The following EXOC4 variants were observed in gnomAD, a reference collection of about 807,000 sequenced individuals.
The protein encoded by EXOC4 is SEC8-like 1.
A neutral mutation model predicts 107.2 loss-of-function variants in EXOC4; 71 were observed. The ratio of observed to expected loss-of-function variants is 0.66; its 90% CI spans 0.55 to 0.81. The LOEUF is 0.81. EXOC4 is among the 30% of genes least tolerant of loss of function. EXOC4 has a pLI of 0.00. For synonymous variants in EXOC4, 456 were observed against 441.2 expected (o/e 1.03, Z -0.42); for missense variants, 1,108 against 1,189.6 (o/e 0.93, Z 1.01).
chr7:133,640,536 T>C (rs10238955), intron 10 of EXOC4, among the ~76,000 whole-genome samples: 150,369 of 152,272 alleles, frequency 0.99, 74,278 homozygotes, highest in Middle Eastern at 1. Flanking sequence ...TTTTGATTTC[T>C]TATCTTGTGG....
chr7:133,587,684 A>G (rs1374408839), intron 9 of EXOC4, among the ~76,000 whole-genome samples: 1 of 152,156 alleles, frequency 6.6e-6, no homozygotes, highest in African/African-American at 2.4e-5. Flanking sequence ...TGTCCTCCAG[A>G]TTTGTTTTAG....
intron 10 of EXOC4, among the ~76,000 whole-genome samples, chr7:133,731,595 C>T (rs1368592993): frequency 6.6e-6 from 1 of 152,054 alleles, no homozygotes; most frequent in African/African-American, 2.4e-5. Flanking sequence ...CTCACTAATA[C>T]AGTGGAGTAG....
At chr7:133,281,703 TA>T (rs1437105932) in intron 2 of EXOC4, among the ~76,000 whole-genome samples, 9 of 150,580 alleles carry the variant, frequency 6.0e-5, no homozygotes, top group African/African-American at 2.2e-4. Context: ...TTTTCTTTTC[TA>T]TTTTTTTTTT....
At chr7:133,257,152 G>A (rs1795036793) in intron 1 of EXOC4, among the ~76,000 whole-genome samples, 1 of 152,214 alleles carries the variant, frequency 6.6e-6, no homozygotes, top group Admixed American at 6.5e-5. Flanking sequence ...GACAGATAGT[G>A]GTTGGGATTC....
chr7:133,649,822 T>A (rs977271337), intron 10 of EXOC4, among the ~76,000 whole-genome samples: 7 of 152,122 alleles, frequency 4.6e-5, no homozygotes, highest in Admixed American at 2.0e-4. Flanking sequence ...TCATTCAGTA[T>A]TTTTGTTGAT....
chr7:133,387,957 G>A (rs1362804327), intron 7 of EXOC4, among the ~76,000 whole-genome samples: 1 of 151,834 alleles, frequency 6.6e-6, no homozygotes, highest in African/African-American at 2.4e-5. Flanking sequence ...AAAGACCTGG[G>A]GGAGATGGGC....
At chr7:133,406,669 A>C (rs1413367376) in intron 7 of EXOC4, among the ~76,000 whole-genome samples, 4 of 152,264 alleles carry the variant, frequency 2.6e-5, no homozygotes, top group African/African-American at 4.8e-5. Context: ...ACAGCACATA[A>C]ATAAAATACA....
At chr7:133,862,775 G>A (rs1239622970) in intron 11 of EXOC4, among the ~76,000 whole-genome samples, 1 of 152,158 alleles carries the variant, frequency 6.6e-6, no homozygotes, top group South Asian at 2.1e-4. Context: ...TAGTTATTAT[G>A]TAGGGAAAGC....
intron 9 of EXOC4, among the ~76,000 whole-genome samples, chr7:133,499,438 G>A (rs1016522578): frequency 6.6e-6 from 1 of 152,034 alleles, no homozygotes; most frequent in African/African-American, 2.4e-5. Flanking sequence ...TAATATTTGG[G>A]GATATTTAGG....
chr7:133,462,773 AAT>A (rs1364048774), intron 7 of EXOC4, among the ~76,000 whole-genome samples: 2 of 152,176 alleles, frequency 1.3e-5, no homozygotes, highest in Non-Finnish European at 2.9e-5. Context: ...AAATTAGATA[AAT>A]TTAGACATGA....
intron 17 of EXOC4, among the ~76,000 whole-genome samples, chr7:134,040,988 C>CTA (rs1237452392): frequency 1.3e-5 from 2 of 152,120 alleles, no homozygotes; most frequent in Non-Finnish European, 2.9e-5. Context: ...TACCTCTACC[C>CTA]TCTAATAAAG....
At chr7:133,514,413 C>G (rs975388496) in intron 9 of EXOC4, among the ~76,000 whole-genome samples, 1 of 152,186 alleles carries the variant, frequency 6.6e-6, no homozygotes, top group African/African-American at 2.4e-5. Flanking sequence ...CCGCCTTTCT[C>G]AGCCTTCCAA....
intron 3 of EXOC4, among the ~76,000 whole-genome samples, chr7:133,295,882 T>C (rs1348960065): frequency 1.3e-5 from 2 of 152,146 alleles, no homozygotes; most frequent in South Asian, 2.1e-4. Context: ...AAAGTATCGA[T>C]GTGAAAGCTC....
chr7:133,855,132 T>TATATATATAA (rs1798343236), intron 11 of EXOC4, among the ~76,000 whole-genome samples: 2 of 70,392 alleles, frequency 2.8e-5, no homozygotes, highest in African/African-American at 1.5e-4. Context: ...TATATAAATA[T>TATATATATAA]ATATATATAT....
intron 5 of EXOC4, among the ~76,000 whole-genome samples, chr7:133,326,042 C>T (rs561528046): frequency 7.2e-5 from 11 of 152,276 alleles, no homozygotes; most frequent in African/African-American, 1.4e-4. Context: ...GTAGTTCTCA[C>T]GCCATGTTTT....
At position 134,065,113 on chromosome 7, in the gene EXOC4, T is replaced by C. The variant is rs1360396120; in HGVS notation, c.*585T>C. On this transcript the variant is annotated 3_prime_UTR_variant, in exon 18 of 18. Transcript: ENST00000253861. ...AGAACCTCTAATTTAGGGCTAGGAA[T>C]AGAAGTCTTTTGATCCCAGTCCCTG... 1 of 152,628 alleles carries C rather than the reference T, an allele frequency of 6.6e-6. No homozygotes were observed. The highest frequency in any genetic ancestry group is 2.4e-5 in the African/African-American group (1 of 41,452). 9.5% of individuals were successfully genotyped at this position (152,628 alleles called of 1,614,324 possible). A position where few individuals can be genotyped will look rare whatever the true frequency, so the allele number is the denominator to read the frequency against.
intron 4 of EXOC4, among the ~76,000 whole-genome samples, chr7:133,307,577 A>C (rs1443604182): frequency 6.6e-6 from 1 of 152,228 alleles, no homozygotes; most frequent in Non-Finnish European, 1.5e-5. Flanking sequence ...CATTTAAGAG[A>C]CTTAAGCTCA....
chr7:133,630,174 A>G (rs1802555941), intron 10 of EXOC4, 33 bp downstream of exon 10: 2 of 1,490,020 alleles, frequency 1.3e-6, no homozygotes, highest in South Asian at 1.1e-5. Context: ...CTTACTGAAG[A>G]TCAATATTTT....
chr7:134,061,761 C>T (rs992055037), intron 17 of EXOC4, among the ~76,000 whole-genome samples: 1 of 152,160 alleles, frequency 6.6e-6, no homozygotes, highest in Admixed American at 6.5e-5. Flanking sequence ...CATAGGGCAT[C>T]ATTTCCCAAA....
Sources: allele counts gnomAD v4.1 joint callset (sites outside exome capture counted in the v4.1 genomes callset), GRCh38; gene constraint gnomAD v4.1.1; transcripts MANE v1.5; gene names NCBI Gene and HGNC (gene_info 2026-07-23, HGNC 2026-07-21).